RALYL: variants seen among roughly 807,000 people sequenced by gnomAD.
RALYL encodes the protein RNA-binding Raly-like protein.
Under a neutral mutation model 35.1 loss-of-function variants are expected in RALYL, and 29 were observed. The observed-to-expected ratio is 0.83, with a 90% CI of 0.61 to 1.13. The LOEUF (loss-of-function observed/expected upper bound fraction) is 1.13. Ranked by LOEUF, RALYL falls within the 50% of genes most tolerant of loss-of-function variation. The probability of loss-of-function intolerance (pLI) is 0.00; values close to 1 mark genes in which losing one functional copy is unlikely to be tolerated. For missense variants in RALYL, 359 were observed against 360.4 expected (o/e 1.00, Z 0.03); for synonymous variants, 120 against 127.6 (o/e 0.94, Z 0.40).
At chr8:84,357,775 ATATT>A (rs1852159804) in intron 1 of RALYL, among the ~76,000 whole-genome samples, 1 of 147,342 alleles carries the variant, frequency 6.8e-6, no homozygotes, top group Non-Finnish European at 1.5e-5. Flanking sequence ...ATAAATATAT[ATATT>A]TATATATTTA....
At chr8:84,728,331 C>G (rs1309052560) in intron 2 of RALYL, among the ~76,000 whole-genome samples, 1 of 151,822 alleles carries the variant, frequency 6.6e-6, no homozygotes, top group Non-Finnish European at 1.5e-5. Context: ...GTTTCTTTTT[C>G]TCTTGTAAAT....
Position 84,337,233 on chromosome 8 carries a change from G to A in RALYL, c.-24+152809G>A, listed in dbSNP as rs953211146. 2.6e-5 allele frequency among the ~76,000 whole-genome samples: 4 copies of A among 151,464 alleles called. No individual in the cohort carries two copies. In the East Asian group the frequency reaches 5.8e-4, roughly 22 times the overall value. ...TCAGTATTGTTAGAAAATTAAACTG[G>A]CATTATTTTTCTGATGATGTCTCAC... On this transcript the variant is annotated intron_variant, in intron 1 of 8. Transcript: ENST00000521268.
intron 2 of RALYL, among the ~76,000 whole-genome samples, chr8:84,563,618 T>G (rs947271059): frequency 1.3e-5 from 2 of 151,782 alleles, no homozygotes; most frequent in Non-Finnish European, 1.5e-5. Context: ...CGAACCTAGA[T>G]CTTTTCTTTG....
chr8:84,468,705 G>A (rs1187615564), intron 1 of RALYL, among the ~76,000 whole-genome samples: 3 of 150,304 alleles, frequency 2.0e-5, no homozygotes, highest in Non-Finnish European at 4.5e-5. Flanking sequence ...TGCTAGACTG[G>A]GGAAGTTCTC....
intron 1 of RALYL, among the ~76,000 whole-genome samples, chr8:84,366,763 CAAAAAAAAAAAAAAAA>C (rs1166208925): frequency 1.8e-5 from 1 of 56,658 alleles, no homozygotes; most frequent in Non-Finnish European, 3.6e-5. Context: ...ATTTTTGTCT[CAAAAAAAAAAAAAAAA>C]AAAAAAAAAA....
At chr8:84,468,494 G>A (rs12471560) in intron 1 of RALYL, among the ~76,000 whole-genome samples, 38,904 of 143,352 alleles carry the variant, frequency 0.27, 6,669 homozygotes, top group South Asian at 0.44. Context: ...TGGCTTGTAG[G>A]GTTTCTGCCG....
chr8:84,225,315 A>G (rs1419946081), intron 1 of RALYL, among the ~76,000 whole-genome samples: 2 of 152,158 alleles, frequency 1.3e-5, no homozygotes, highest in Non-Finnish European at 2.9e-5. Flanking sequence ...TACAAGCTCT[A>G]ATCCATTCTC....
chr8:84,302,135 AG>A (rs1840918792), intron 1 of RALYL, among the ~76,000 whole-genome samples: 1 of 152,172 alleles, frequency 6.6e-6, no homozygotes, highest in Admixed American at 6.6e-5. Context: ...GAGACATATA[AG>A]GGATGTGGAG....
chr8:84,693,380 A>G (rs937779695), intron 2 of RALYL, among the ~76,000 whole-genome samples: 3 of 151,924 alleles, frequency 2.0e-5, no homozygotes, highest in Non-Finnish European at 4.4e-5. Flanking sequence ...TGTCAAGCAA[A>G]AGGGGAAAAG....
At chr8:84,330,735 C>T (rs1846648292) in intron 1 of RALYL, among the ~76,000 whole-genome samples, 2 of 151,916 alleles carry the variant, frequency 1.3e-5, no homozygotes, top group South Asian at 4.1e-4. Flanking sequence ...TTCCTTTGTC[C>T]AGCTTTCTCC....
At chr8:84,866,673 G>A (rs1181990087) in intron 6 of RALYL, among the ~76,000 whole-genome samples, 1 of 152,096 alleles carries the variant, frequency 6.6e-6, no homozygotes, top group Admixed American at 6.6e-5. Flanking sequence ...AGAGCTCTTA[G>A]AACAGTGTCG....
chr8:84,313,130 C>T (rs1386253269), intron 1 of RALYL, among the ~76,000 whole-genome samples: 1 of 152,192 alleles, frequency 6.6e-6, no homozygotes. Flanking sequence ...GAAGCAACAG[C>T]CCGAGCTGTA....
intron 2 of RALYL, among the ~76,000 whole-genome samples, chr8:84,553,266 A>C (rs1319878163): frequency 1.3e-5 from 2 of 152,104 alleles, no homozygotes; most frequent in Non-Finnish European, 2.9e-5. Context: ...GGCTCGAAGG[A>C]TCTTCCTGCC....
At chr8:84,895,211 A>G (rs1165798088) in intron 8 of RALYL, among the ~76,000 whole-genome samples, 3 of 152,032 alleles carry the variant, frequency 2.0e-5, no homozygotes, top group African/African-American at 7.3e-5. Context: ...TCCCTGTCCT[A>G]CTGAGAACAG....
At chr8:84,795,816 T>C (rs1045285895) in intron 3 of RALYL, among the ~76,000 whole-genome samples, 1 of 152,146 alleles carries the variant, frequency 6.6e-6, no homozygotes, top group Non-Finnish European at 1.5e-5. Flanking sequence ...GACATGAAAA[T>C]CAAAACTGAT....
chr8:84,240,438 T>C (rs1827604107), intron 1 of RALYL, among the ~76,000 whole-genome samples: 1 of 152,328 alleles, frequency 6.6e-6, no homozygotes, highest in Admixed American at 6.5e-5. Context: ...CAGATATTTA[T>C]TGAATGCCTA....
chr8:84,716,018 T>G (rs1186717605), intron 2 of RALYL, among the ~76,000 whole-genome samples: 1 of 152,124 alleles, frequency 6.6e-6, no homozygotes, highest in East Asian at 1.9e-4. Flanking sequence ...TTCCATGCCT[T>G]GGGCTACCTA....
chr8:84,638,050 T>C (rs907775327), intron 2 of RALYL, among the ~76,000 whole-genome samples: 3 of 149,972 alleles, frequency 2.0e-5, no homozygotes, highest in African/African-American at 7.3e-5. Context: ...AGATAGACCA[T>C]ATGACAGGCC....
chr8:84,730,724 G>C (rs1846006105), intron 2 of RALYL, among the ~76,000 whole-genome samples: 1 of 151,902 alleles, frequency 6.6e-6, no homozygotes, highest in African/African-American at 2.4e-5. Flanking sequence ...AGCACCATGG[G>C]ACATAACAAA....
Sources: gnomAD v4.1 joint callset for allele counts (sites outside exome capture counted in the v4.1 genomes callset) on GRCh38, gnomAD v4.1.1 for gene constraint, MANE v1.5 for transcripts, NCBI Gene and HGNC (gene_info 2026-07-23, HGNC 2026-07-21) for gene names.